Variants in TNIK observed in about 807,000 individuals in gnomAD.
TNIK encodes TRAF2 and NCK interacting kinase.
In TNIK, 49 loss-of-function variants were observed where a neutral mutation model predicts 191.3. The ratio of observed to expected loss-of-function variants is 0.26; its 90% CI spans 0.20 to 0.32. The LOEUF (loss-of-function observed/expected upper bound fraction) is 0.32, where lower values mean the gene tolerates loss of function less well. TNIK is among the 10% of genes least tolerant of loss of function. The pLI is 1.00. For synonymous variants in TNIK, 594 were observed against 600.9 expected (o/e 0.99, Z 0.17); for missense variants, 1,155 against 1,702.3 (o/e 0.68, Z 5.66).
chr3:171,309,148 C>G (rs1753760442), intron 2 of TNIK, among the ~76,000 whole-genome samples: 2 of 150,586 alleles, frequency 1.3e-5, no homozygotes, highest in African/African-American at 4.9e-5. Flanking sequence ...ATGGAATCAA[C>G]CTAAATGCCC....
At chr3:171,248,693 G>A (rs1213712605) in intron 2 of TNIK, among the ~76,000 whole-genome samples, 1 of 152,164 alleles carries the variant, frequency 6.6e-6, no homozygotes, top group Non-Finnish European at 1.5e-5. Flanking sequence ...ACAGACCTGG[G>A]TCATAAAAAG....
At chr3:171,083,911 A>G (rs1236943245) in intron 26 of TNIK, among the ~76,000 whole-genome samples, 2 of 152,196 alleles carry the variant, frequency 1.3e-5, no homozygotes, top group East Asian at 3.9e-4. Flanking sequence ...GCCTATCACT[A>G]TTGTGTGACA....
intron 1 of TNIK, among the ~76,000 whole-genome samples, chr3:171,397,894 A>T (rs908852130): frequency 9.9e-5 from 15 of 152,216 alleles, no homozygotes; most frequent in Admixed American, 9.8e-4. Flanking sequence ...CAAAATAAAC[A>T]AACTAAAACC....
At chr3:171,066,353 A>G (rs775455724) in intron 31 of TNIK, 27 bp from the exon 32 acceptor site, 2 of 1,613,124 alleles carry the variant, frequency 1.2e-6, no homozygotes, top group East Asian at 2.2e-5. Flanking sequence ...CCAAAACTGC[A>G]TTAAAAACAT....
At chr3:171,105,996 T>C (rs996708790) in intron 21 of TNIK, among the ~76,000 whole-genome samples, 2 of 152,176 alleles carry the variant, frequency 1.3e-5, no homozygotes, top group African/African-American at 4.8e-5. Context: ...ATAAATGCCA[T>C]CCACACACCG....
chr3:171,458,193 C>G (rs1033869604), intron 1 of TNIK, among the ~76,000 whole-genome samples: 1 of 147,864 alleles, frequency 6.8e-6, no homozygotes. Context: ...ACCCCACCCC[C>G]AGTCGGGGCC....
chr3:171,356,277 C>G (rs1349278590), intron 2 of TNIK, among the ~76,000 whole-genome samples: 1 of 152,230 alleles, frequency 6.6e-6, no homozygotes, highest in Middle Eastern at 3.4e-3. Flanking sequence ...AGGCAACCAA[C>G]TCCCTTAAAT....
intron 2 of TNIK, among the ~76,000 whole-genome samples, chr3:171,243,942 G>C (rs989676141): frequency 6.6e-6 from 1 of 151,992 alleles, no homozygotes; most frequent in Non-Finnish European, 1.5e-5. Context: ...AAGAACCATC[G>C]ATGTTAGATC....
At chr3:171,188,194 C>T (rs1212065246) in intron 7 of TNIK, among the ~76,000 whole-genome samples, 2 of 152,176 alleles carry the variant, frequency 1.3e-5, no homozygotes, top group Admixed American at 6.5e-5. Context: ...TCAGGCCACA[C>T]GACAGAAATA....
chr3:171,169,861 C>G (rs543383733), intron 9 of TNIK, among the ~76,000 whole-genome samples: 2 of 152,280 alleles, frequency 1.3e-5, no homozygotes, highest in South Asian at 2.1e-4. Flanking sequence ...GATGGGCCCA[C>G]TTGTGCAGAA....
chr3:171,188,377 C>G lies in TNIK; in HGVS notation c.639+325G>C, dbSNP rs563978314. Among the ~76,000 whole-genome samples, 55 of 152,306 alleles carry G rather than the reference C, an allele frequency of 3.6e-4. 1 individual carries two copies. In the South Asian group the frequency reaches 0.011, roughly 32 times the overall value. On this transcript the variant is annotated intron_variant, in intron 7 of 32. Transcript: ENST00000436636. ...ACGTAAAAAGCTATCAGAATATATA[C>G]TCTTCCAAAAATCTAAACCATAACC...
At chr3:171,263,940 C>T (rs1748006438) in intron 2 of TNIK, among the ~76,000 whole-genome samples, 1 of 151,844 alleles carries the variant, frequency 6.6e-6, no homozygotes, top group Admixed American at 6.6e-5. Flanking sequence ...AGGCAGGGAG[C>T]TGTAAAGCTA....
At chr3:171,200,733 C>T (rs1047494295) in intron 4 of TNIK, among the ~76,000 whole-genome samples, 1 of 152,142 alleles carries the variant, frequency 6.6e-6, no homozygotes, top group East Asian at 1.9e-4. Context: ...CCTTTCCTGC[C>T]CTAATAACCT....
At chr3:171,406,909 A>T (rs1009425143) in intron 1 of TNIK, among the ~76,000 whole-genome samples, 1 of 152,240 alleles carries the variant, frequency 6.6e-6, no homozygotes, top group Admixed American at 6.5e-5. Context: ...GCTGACAAAG[A>T]TCACAGTAGA....
rs368034231 is a variant in TNIK, at chr3:171,108,077, G to C, written c.2370C>G (p.Pro790=). The change falls in exon 20 of 33, where the codon CCC becomes CCG. Residue 790 remains proline, a synonymous_variant. Transcript: ENST00000436636. ...KPEESRDITR[P]SRPASYKKAI... ...GAAAAGCACTCACAGCTGGTCGACT[G>C]GGCCGGGTAATGTCCCTGGATTCTT... 2 of 1,566,966 alleles carry C rather than the reference G, an allele frequency of 1.3e-6. No homozygotes were observed. The highest frequency in any genetic ancestry group is 1.7e-6 in the Non-Finnish European group (2 of 1,154,740).
chr3:171,405,138 G>A (rs960245393), intron 1 of TNIK, among the ~76,000 whole-genome samples: 8 of 152,124 alleles, frequency 5.3e-5, no homozygotes, highest in Admixed American at 5.2e-4. Context: ...TAAGCAATGT[G>A]TTACTTAAGG....
intron 4 of TNIK, among the ~76,000 whole-genome samples, chr3:171,198,969 A>T (rs1034169035): frequency 5.9e-5 from 9 of 152,160 alleles, no homozygotes; most frequent in Non-Finnish European, 1.3e-4. Context: ...GAGCTTTATT[A>T]GGCCATGTAA....
intron 2 of TNIK, among the ~76,000 whole-genome samples, chr3:171,347,748 AAG>A (rs1443948682): frequency 1.3e-5 from 2 of 152,134 alleles, no homozygotes; most frequent in African/African-American, 4.8e-5. Flanking sequence ...TGTCCTAGAT[AAG>A]AGAGTAATGA....
chr3:171,282,341 G>C (rs113400939), intron 2 of TNIK, among the ~76,000 whole-genome samples: 2 of 79,950 alleles, frequency 2.5e-5, no homozygotes, highest in Admixed American at 1.4e-4. Context: ...ATGGTTTTTT[G>C]TTTTTTTTTT....
Sources: gnomAD v4.1 joint callset for allele counts (sites outside exome capture counted in the v4.1 genomes callset) on GRCh38, gnomAD v4.1.1 for gene constraint, MANE v1.5 for transcripts, NCBI Gene and HGNC (gene_info 2026-07-23, HGNC 2026-07-21) for gene names.